Variants in KDM1B observed in about 807,000 individuals in gnomAD.
The protein encoded by KDM1B is lysine demethylase 1B.
In KDM1B, 63 loss-of-function variants were observed where a neutral mutation model predicts 107.4. The ratio of observed to expected loss-of-function variants is 0.59; its 90% CI spans 0.48 to 0.72. The LOEUF (loss-of-function observed/expected upper bound fraction) is 0.72. KDM1B is among the 30% of genes least tolerant of loss of function. The pLI, the probability that KDM1B is intolerant of heterozygous loss-of-function variation, is 0.00. For missense variants in KDM1B, 749 were observed against 1,020.8 expected (o/e 0.73, Z 3.63); for synonymous variants, 363 against 363.9 (o/e 1.00, Z 0.03).
At chr6:18,202,399 CA>C (rs144243804) in intron 14 of KDM1B, among the ~76,000 whole-genome samples, 11 of 145,510 alleles carry the variant, frequency 7.6e-5, no homozygotes, top group East Asian at 2.0e-4. Context: ...GACCCTATTT[CA>C]AAAAAAAAAG....
intron 14 of KDM1B, among the ~76,000 whole-genome samples, chr6:18,202,118 C>A (rs957763580): frequency 6.6e-6 from 1 of 151,866 alleles, no homozygotes; most frequent in Non-Finnish European, 1.5e-5. Context: ...GAATTTTAAC[C>A]CATTAGGCAC....
chr6:18,182,850 TG>T (rs1786569746), intron 7 of KDM1B, among the ~76,000 whole-genome samples: 1 of 152,194 alleles, frequency 6.6e-6, no homozygotes, highest in African/African-American at 2.4e-5. Flanking sequence ...CTTCAATGGC[TG>T]TCTAATAAGT....
chr6:18,199,023 A>AG (rs1337743688), intron 12 of KDM1B, among the ~76,000 whole-genome samples: 3 of 148,606 alleles, frequency 2.0e-5, no homozygotes, highest in East Asian at 2.0e-4. Context: ...AAAAAAAAAA[A>AG]AAAAAAAAAA....
chr6:18,178,814 A>T (rs1195027965), intron 7 of KDM1B, among the ~76,000 whole-genome samples: 2 of 152,250 alleles, frequency 1.3e-5, no homozygotes, highest in African/African-American at 4.8e-5. Flanking sequence ...TAAGTTTCAT[A>T]GATCTTTTTC....
chr6:18,170,830 C>CT (rs914620546), intron 6 of KDM1B, among the ~76,000 whole-genome samples: 19 of 148,568 alleles, frequency 1.3e-4, no homozygotes, highest in South Asian at 6.4e-4. Flanking sequence ...TTTTTTTTTC[C>CT]TTTTTTTTGA....
chr6:18,205,853 C>T lies in KDM1B; in HGVS notation c.1659+189C>T, dbSNP rs1300913566. Among the ~76,000 whole-genome samples the T allele has an allele frequency of 6.6e-6, 1 of 152,008 alleles. No individual in the cohort carries two copies. The highest frequency in any genetic ancestry group is 1.5e-5 in the Non-Finnish European group (1 of 68,002). The stretch of plus-strand genomic sequence containing the variant: ...CTAAAATACAAAAAATTAGCCAGGC[C>T]TGGTGGCGCATACCTGTAGTCCCAG... On this transcript the variant is annotated intron_variant, in intron 15 of 21. Coordinates refer to ENST00000650836, the MANE Select transcript of KDM1B (RefSeq NM_001364614.2). This position sits in a 1 kb window ranked among gnomAD's most constrained non-coding sequence, Gnocchi z 5.7.
chr6:18,190,830 A>T (rs1209117062), intron 9 of KDM1B, among the ~76,000 whole-genome samples: 1 of 151,616 alleles, frequency 6.6e-6, no homozygotes, highest in Non-Finnish European at 1.5e-5. Flanking sequence ...GACCCAGGAG[A>T]TGGAGGTCGC....
At position 18,166,264 on chromosome 6, in the gene KDM1B, C is replaced by T. The variant is rs563335703; in HGVS notation, c.306-3C>T. On this transcript the variant is annotated splice_polypyrimidine_tract_variant and splice_region_variant and intron_variant, in intron 5 of 21. Coordinates refer to ENST00000650836, the MANE Select transcript of KDM1B (RefSeq NM_001364614.2). The stretch of plus-strand genomic sequence containing the variant: ...CGATATATTAATTTTTCTTGTTTTT[C>T]AGCCATAAGGATGGATATGACAAAT... The T allele has an allele frequency of 1.7e-5, 24 of 1,419,774 alleles. No individual in the cohort carries two copies. The South Asian group carries it at 2.1e-4, about 12-fold the overall frequency. The allele number at this position is 1,419,774 out of a possible 1,614,324, so 87.9% of individuals were successfully genotyped here. A position where few individuals can be genotyped will look rare whatever the true frequency, so the allele number is the denominator to read the frequency against.
At chr6:18,193,061 C>G (rs960971156) in intron 10 of KDM1B, among the ~76,000 whole-genome samples, 1 of 150,920 alleles carries the variant, frequency 6.6e-6, no homozygotes, top group Non-Finnish European at 1.5e-5. Flanking sequence ...GGAGGTGGTG[C>G]TGGGTGGCCT....
rs930432406 is a variant in KDM1B at position 18,172,960 on chromosome 6, T to C, written c.534+1481T>C. Among the ~76,000 whole-genome samples the C allele has an allele frequency of 1.3e-5, 2 of 151,920 alleles. No individual in the cohort carries two copies. Among genetic ancestry groups the C allele is most frequent in the African/African-American group, 4.8e-5 (2 of 41,350 alleles). ...TAAAAATTAGCCCAGTGTGGTGGCA[T>C]GTGCTTGTAATCTCAGCTACTCGGG... On this transcript the variant is annotated intron_variant, in intron 7 of 21. Transcript: ENST00000650836. The surrounding 1 kb of genome is among the most constrained non-coding windows in gnomAD (Gnocchi z 5.2).
Position 18,166,388 on chromosome 6 carries a change from G to GCATCACTCTCC in KDM1B, c.417+10_417+11insCATCACTCTCC. On this transcript the variant is annotated intron_variant, in intron 6 of 21. Coordinates refer to ENST00000650836, the MANE Select transcript of KDM1B (RefSeq NM_001364614.2). ...GCAACTCCCCTACTGGGTAAGGAGA[G>GCATCACTCTCC]TGATGCTCTCTGTCTGTGAAGTATT... 6.7e-7 allele frequency: 1 copy of GCATCACTCTCC among 1,490,338 alleles called. No homozygotes were observed. The highest frequency in any genetic ancestry group is 9.4e-7 in the Non-Finnish European group (1 of 1,067,490). The allele number at this position is 1,490,338 out of a possible 1,614,324, so 92.3% of individuals were successfully genotyped here.
Position 18,209,089 on chromosome 6 carries a change from A to G in KDM1B, c.1866+883A>G, listed in dbSNP as rs1348646474. ...AGGAAAGTTCTGTTTTCATCTTGAA[A>G]TCTTGAAACTATCAGAAGTACTTTC... On this transcript the variant is annotated intron_variant, in intron 17 of 21. Coordinates refer to ENST00000650836, the MANE Select transcript of KDM1B (RefSeq NM_001364614.2). This position sits in a 1 kb window ranked among gnomAD's most constrained non-coding sequence, Gnocchi z 4.3. 6.6e-6 allele frequency among the ~76,000 whole-genome samples: 1 copy of G among 152,162 alleles called. No individual in the cohort carries two copies. Among genetic ancestry groups the G allele is most frequent in the Non-Finnish European group, 1.5e-5 (1 of 68,032 alleles).
chr6:18,217,172 C>T (rs1789301931), intron 20 of KDM1B, among the ~76,000 whole-genome samples: 1 of 151,876 alleles, frequency 6.6e-6, no homozygotes, highest in Non-Finnish European at 1.5e-5. Context: ...GTGTCCCGGG[C>T]AGAAGGAGGA....
rs1453871197 is a variant in KDM1B at position 18,222,731 on chromosome 6, A to C, written c.*739A>C. ...GTGGGCTTCACACTATAGACACAGA[A>C]TATAGCTTTTTCTTAAAGCCAAATT... On this transcript the variant is annotated 3_prime_UTR_variant, in exon 22 of 22. Coordinates refer to ENST00000650836, the MANE Select transcript of KDM1B (RefSeq NM_001364614.2). 2 of 152,690 alleles carry C rather than the reference A, an allele frequency of 1.3e-5. No homozygotes were observed. Among genetic ancestry groups the C allele is most frequent in the African/African-American group, 4.8e-5 (2 of 41,456 alleles). 9.5% of individuals were successfully genotyped at this position (152,690 alleles called of 1,614,324 possible).
intron 10 of KDM1B, among the ~76,000 whole-genome samples, chr6:18,196,233 A>T (rs1302545232): frequency 6.6e-6 from 1 of 152,190 alleles, no homozygotes; most frequent in Non-Finnish European, 1.5e-5. Context: ...TTCATCCATC[A>T]GTGGACTCCA....
Position 18,213,677 on chromosome 6 carries a change from A to G in KDM1B, c.2005A>G (p.Arg669Gly). The G allele has an allele frequency of 6.2e-7, 1 of 1,614,130 alleles. No individual in the cohort carries two copies. Among genetic ancestry groups the G allele is most frequent in the Non-Finnish European group, 8.5e-7 (1 of 1,180,020 alleles). The change falls in exon 19 of 22, where the codon AGA becomes GGA. Residue 669 changes from arginine to glycine, a missense_variant. By Grantham distance (125) the Arg-to-Gly change is moderately radical. Transcript: ENST00000650836. The surrounding 1 kb of genome is among the most constrained non-coding windows in gnomAD (Gnocchi z 5.9). ...GCAGATTGCCTTGCAATTTCCGTATAGATTTTGGGACAGTAAAGTACAAGG... is the reference window on the plus strand; with the variant it reads ...GCAGATTGCCTTGCAATTTCCGTATGGATTTTGGGACAGTAAAGTACAAGG... ...IEKIALQFPYRFWDSKVQGAD... is the reference protein window; with the variant it reads ...IEKIALQFPYGFWDSKVQGAD...
In KDM1B at chr6:18,216,173, G is replaced by A. The variant is rs186622423; in HGVS notation, c.2232+1044G>A. Among the ~76,000 whole-genome samples the A allele has an allele frequency of 1.2e-3, 179 of 152,260 alleles. 3 individuals are homozygous for A. In the East Asian group the frequency reaches 0.026, roughly 22 times the overall value. ...TGGCTCACTGCAACCTCCACCTCCC[G>A]GGTTCAAGCGATTCTCCTGCCTCAG... On this transcript the variant is annotated intron_variant, in intron 20 of 21. Coordinates refer to ENST00000650836, the MANE Select transcript of KDM1B (RefSeq NM_001364614.2).
rs1789044110 is a variant in KDM1B at position 18,214,037 on chromosome 6, C to T, written c.2109+256C>T. 6.6e-6 allele frequency among the ~76,000 whole-genome samples: 1 copy of T among 152,114 alleles called. No homozygotes were observed. Among genetic ancestry groups the T allele is most frequent in the Admixed American group, 6.5e-5 (1 of 15,274 alleles). On this transcript the variant is annotated intron_variant, in intron 19 of 21. Coordinates refer to ENST00000650836, the MANE Select transcript of KDM1B (RefSeq NM_001364614.2). The surrounding 1 kb of genome is among the most constrained non-coding windows in gnomAD (Gnocchi z 4.4). ...TGCTTGTGGAAACTGTCATTTCAGG[C>T]TATGGGGGAATTCCTCTTAGGTGAA...
intron 15 of KDM1B, among the ~76,000 whole-genome samples, chr6:18,207,073 A>T (rs1788425032): frequency 6.6e-6 from 1 of 152,170 alleles, no homozygotes; most frequent in Non-Finnish European, 1.5e-5. Flanking sequence ...GACAGATAGC[A>T]TATTTATATA....
Sources: gnomAD v4.1 joint callset for allele counts (sites outside exome capture counted in the v4.1 genomes callset) on GRCh38, gnomAD v4.1.1 for gene constraint, Gnocchi (gnomAD v3.1) non-coding constraint, MANE v1.5 for transcripts, NCBI Gene and HGNC (gene_info 2026-07-23, HGNC 2026-07-21) for gene names.